The following PTPN6 variants were observed in gnomAD, a reference collection of about 807,000 sequenced individuals.
PTPN6 encodes protein tyrosine phosphatase non-receptor type 6, also known as tyrosine-protein phosphatase non-receptor type 6.
A neutral mutation model predicts 81.5 loss-of-function variants in PTPN6; 18 were observed. The ratio of observed to expected loss-of-function variants is 0.22; its 90% CI spans 0.15 to 0.33. The LOEUF is 0.33. Among genes scored for constraint, PTPN6 ranks in the 10% least tolerant of loss-of-function variants. The pLI is 1.00. For synonymous variants in PTPN6, 301 were observed against 310.9 expected, an observed-to-expected ratio of 0.97 and a Z score of 0.33; for missense variants, 500 against 794.2, an observed-to-expected ratio of 0.63 and a Z score of 4.45.
Position 6,958,058 on chromosome 12 carries a change from T to C in PTPN6, c.1346T>C (p.Ile449Thr), listed in dbSNP as rs782028376. The change falls in exon 11 of 16, where the codon ATC becomes ACC. Residue 449 changes from isoleucine to threonine, a missense_variant. This residue lies in a region of PTPN6 where 226 missense variants were observed against 364.4 expected (regional missense o/e 0.62). Coordinates refer to ENST00000318974, the MANE Select transcript of PTPN6 (RefSeq NM_002831.6). ...GAAAGTCTGCCTCACGCAGGGCCCA[T>C]CATCGTGCACTGCAGGTGAGGATGA... is the stretch of plus-strand genomic sequence containing the variant. Reference protein sequence around the residue: ...RQESLPHAGPIIVHCSAGIGR... With the variant: ...RQESLPHAGPTIVHCSAGIGR... 8.1e-6 allele frequency: 13 copies of C among 1,611,878 alleles called. No homozygotes were observed. In the South Asian group the frequency reaches 1.4e-4, roughly 18 times the overall value.
chr12:6,948,607 A>G (rs1279667586), upstream of PTPN6, among the ~76,000 whole-genome samples: 1 of 152,010 alleles, frequency 6.6e-6, no homozygotes, highest in East Asian at 1.9e-4. Flanking sequence ...AAGAAAGGAA[A>G]GAAAAAGAAA....
Position 6,959,777 on chromosome 12 carries a change from T to A in PTPN6, c.1362-150T>A, listed in dbSNP as rs890613446. ...TGCAGAGCTGGGCAAACCTCCATCA[T>A]CACTTGCCCGGTGACCCTGGGCACA... On this transcript the variant is annotated intron_variant, in intron 11 of 15. Transcript: ENST00000318974. This position sits in a 1 kb window ranked among gnomAD's most constrained non-coding sequence, Gnocchi z 6.6. 30 of 827,342 alleles carry A rather than the reference T, an allele frequency of 3.6e-5. 1 individual carries two copies. Among genetic ancestry groups the A allele is most frequent in the Non-Finnish European group, 1.6e-5 (8 of 496,194 alleles). 51.3% of individuals were successfully genotyped at this position (827,342 alleles called of 1,614,324 possible).
In PTPN6 at chr12:6,960,695, C is replaced by T. The variant is rs376526283; in HGVS notation, c.1674-111C>T. Reference sequence around the variant, plus strand: ...GAGTCTAGTGCAGGGACCGTGGCTGCGTCACCTGTGAGACGGGGTGGCCAG... The same window carrying T: ...GAGTCTAGTGCAGGGACCGTGGCTGTGTCACCTGTGAGACGGGGTGGCCAG... On this transcript the variant is annotated intron_variant, in intron 14 of 15. Transcript: ENST00000318974. This position sits in a 1 kb window ranked among gnomAD's most constrained non-coding sequence, Gnocchi z 6.1. 6.5e-5 allele frequency: 101 copies of T among 1,551,404 alleles called. No homozygotes were observed. The highest frequency in any genetic ancestry group is 8.0e-5 in the Non-Finnish European group (92 of 1,146,972).
At position 6,959,527 on chromosome 12, in the gene PTPN6, C is replaced by G. The variant is rs1264734847; in HGVS notation, c.1362-400C>G. The G allele has an allele frequency of 2.8e-6, 1 of 355,610 alleles. No homozygotes were observed. The highest frequency in any genetic ancestry group is 5.3e-6 in the Non-Finnish European group (1 of 188,102). 22.0% of individuals were successfully genotyped at this position (355,610 alleles called of 1,614,324 possible). A position where few individuals can be genotyped will look rare whatever the true frequency, so the allele number is the denominator to read the frequency against. Reference sequence around the variant, plus strand: ...GGTTTGAAGGAAAAGGGAAGTGAAGCCATGCTGAGAGACGCTCCATAACTC... The same window carrying G: ...GGTTTGAAGGAAAAGGGAAGTGAAGGCATGCTGAGAGACGCTCCATAACTC... On this transcript the variant is annotated intron_variant, in intron 11 of 15. Transcript: ENST00000318974. The surrounding 1 kb of genome is among the most constrained non-coding windows in gnomAD (Gnocchi z 6.6).
At chr12:6,951,141 G>A, upstream of PTPN6, 2 of 1,021,738 alleles carry the variant, frequency 2.0e-6, no homozygotes, top group East Asian at 4.1e-5. The surrounding 1 kb of genome is among the most constrained non-coding windows in gnomAD (Gnocchi z 7.2). Context: ...AGGCACACAT[G>A]TGTCCTTACT....
Position 6,960,029 on chromosome 12 carries a change from G to A in PTPN6, c.1429+35G>A. ...ACCTGGGGGTTTGGGGGTGGGGGGT[G>A]AGCAGCCCCTCGGTGTCCGCCTATG... On this transcript the variant is annotated intron_variant, in intron 12 of 15. Transcript: ENST00000318974. The surrounding 1 kb of genome is among the most constrained non-coding windows in gnomAD (Gnocchi z 6.1). The A allele has an allele frequency of 6.2e-7, 1 of 1,612,042 alleles. No individual in the cohort carries two copies. The highest frequency in any genetic ancestry group is 8.5e-7 in the Non-Finnish European group (1 of 1,179,750).
Position 6,952,281 on chromosome 12 carries a change from C to A in PTPN6, c.326+104C>A. The A allele has an allele frequency of 7.3e-7, 1 of 1,369,116 alleles. No homozygotes were observed. Among genetic ancestry groups the A allele is most frequent in the Non-Finnish European group, 1.0e-6 (1 of 969,220 alleles). 84.8% of individuals were successfully genotyped at this position (1,369,116 alleles called of 1,614,324 possible). A position where few individuals can be genotyped will look rare whatever the true frequency, so the allele number is the denominator to read the frequency against. ...CTGGCAGCCGGCGCTGCCTACCCTC[C>A]ATCCCCTCCCCTCCCTGCACCAGCT... On this transcript the variant is annotated intron_variant, in intron 3 of 15. Coordinates refer to ENST00000318974, the MANE Select transcript of PTPN6 (RefSeq NM_002831.6). This position sits in a 1 kb window ranked among gnomAD's most constrained non-coding sequence, Gnocchi z 8.1.
chr12:6,951,699 C>A lies in PTPN6; in HGVS notation c.99C>A (p.Arg33=). ...VHGSFLARPS[R]KNQGDFSLSV... is the part of the protein sequence containing the mutation. Reference sequence around the variant, plus strand: ...GTAGCTTCCTGGCTCGGCCCAGTCGCAAGAACCAGGGTGACTTCTCGCTCT... The same window carrying A: ...GTAGCTTCCTGGCTCGGCCCAGTCGAAAGAACCAGGGTGACTTCTCGCTCT... The change falls in exon 2 of 16, where the codon CGC becomes CGA. Residue 33 remains arginine, a synonymous_variant. Coordinates refer to ENST00000318974, the MANE Select transcript of PTPN6 (RefSeq NM_002831.6). This position sits in a 1 kb window ranked among gnomAD's most constrained non-coding sequence, Gnocchi z 7.2. 7 of 1,613,580 alleles carry A rather than the reference C, an allele frequency of 4.3e-6. No individual in the cohort carries two copies. The highest frequency in any genetic ancestry group is 5.9e-6 in the Non-Finnish European group (7 of 1,180,006).
upstream of PTPN6, among the ~76,000 whole-genome samples, chr12:6,947,668 C>CAAAA (rs112544780): frequency 1.5e-5 from 1 of 64,782 alleles, no homozygotes; most frequent in South Asian, 4.7e-4. Context: ...GACCTTGTCT[C>CAAAA]AAAAAAAAAA....
Position 6,954,731 on chromosome 12 carries a change from T to C in PTPN6, c.327-74T>C, listed in dbSNP as rs1945991488. ...CAGTAGGTGCTTGATTTCCGGCCCC[T>C]CTCTGTGAATGTCTCTGCTCAGCGC... On this transcript the variant is annotated intron_variant, in intron 3 of 15. Transcript: ENST00000318974. The surrounding 1 kb of genome is among the most constrained non-coding windows in gnomAD (Gnocchi z 5.4). 6.8e-7 allele frequency: 1 copy of C among 1,476,860 alleles called. No homozygotes were observed. The highest frequency in any genetic ancestry group is 9.3e-7 in the Non-Finnish European group (1 of 1,079,244). The allele number at this position is 1,476,860 out of a possible 1,614,324, so 91.5% of individuals were successfully genotyped here.
At chr12:6,948,504 A>T (rs1945865339), upstream of PTPN6, among the ~76,000 whole-genome samples, 1 of 151,720 alleles carries the variant, frequency 6.6e-6, no homozygotes, top group Admixed American at 6.6e-5. Context: ...AAAGAAGGAA[A>T]AAAAGGAAAG....
chr12:6,958,248 A>C (rs782535030), intron 11 of PTPN6, among the ~76,000 whole-genome samples, 175 bp downstream of exon 11: 20 of 152,244 alleles, frequency 1.3e-4, no homozygotes, highest in Non-Finnish European at 2.6e-4. Flanking sequence ...TCGTGGCTGG[A>C]ACCAGCCCCA....
Position 6,959,963 on chromosome 12 carries a change from C to T in PTPN6, c.1398C>T (p.Ile466=), listed in dbSNP as rs113854853. 788 of 1,609,370 alleles carry T rather than the reference C, an allele frequency of 4.9e-4. 5 individuals are homozygous for T. The African/African-American group carries it at 8.3e-3, about 17-fold the overall frequency. ...GIGRTGTIIV[I]DMLMENISTK... Reference sequence around the variant, plus strand: ...GCCGCACAGGCACCATCATTGTCATCGACATGCTCATGGAGAACATCTCCA... The same window carrying T: ...GCCGCACAGGCACCATCATTGTCATTGACATGCTCATGGAGAACATCTCCA... The change falls in exon 12 of 16, where the codon ATC becomes ATT. Residue 466 remains isoleucine (I), a synonymous_variant. Coordinates refer to ENST00000318974, the MANE Select transcript of PTPN6 (RefSeq NM_002831.6). This position sits in a 1 kb window ranked among gnomAD's most constrained non-coding sequence, Gnocchi z 6.6.
chr12:6,950,543 A>G (rs886183767), upstream of PTPN6, among the ~76,000 whole-genome samples: 3 of 152,174 alleles, frequency 2.0e-5, no homozygotes, highest in Non-Finnish European at 4.4e-5. Flanking sequence ...GACAAGAATT[A>G]GAAAGGACCC....
chr12:6,958,838 A>G (rs1381266054), intron 11 of PTPN6, among the ~76,000 whole-genome samples: 17 of 152,158 alleles, frequency 1.1e-4, no homozygotes, highest in Non-Finnish European at 1.6e-4. Context: ...TAACTTTTCT[A>G]ACCCTCAGCT....
chr12:6,958,388 G>C (rs980074269), intron 11 of PTPN6, among the ~76,000 whole-genome samples: 4 of 152,242 alleles, frequency 2.6e-5, no homozygotes, highest in Non-Finnish European at 4.4e-5. Flanking sequence ...GTCAGGGCAA[G>C]GCCGGGCAGG....
At position 6,954,457 on chromosome 12, in the gene PTPN6, G is replaced by C. The variant is rs782523389; in HGVS notation, c.327-348G>C. On this transcript the variant is annotated intron_variant, in intron 3 of 15. Coordinates refer to ENST00000318974, the MANE Select transcript of PTPN6 (RefSeq NM_002831.6). The surrounding 1 kb of genome is among the most constrained non-coding windows in gnomAD (Gnocchi z 5.4). ...AGCCCGGTTAGAACTCTGGAGGCTAGGATGGCTTGAACCTGGGAGGTCGAG... is the reference window on the plus strand; with the variant it reads ...AGCCCGGTTAGAACTCTGGAGGCTACGATGGCTTGAACCTGGGAGGTCGAG... 2.6e-5 allele frequency among the ~76,000 whole-genome samples: 4 copies of C among 152,334 alleles called. No homozygotes were observed. Among genetic ancestry groups the C allele is most frequent in the Admixed American group, 2.0e-4 (3 of 15,308 alleles).
rs1946010591 is a variant in PTPN6, at chr12:6,955,443, G to T, written c.705G>T (p.Glu235Asp). The T allele has an allele frequency of 6.2e-7, 1 of 1,614,082 alleles. No homozygotes were observed. Among genetic ancestry groups the T allele is most frequent in the African/African-American group, 1.3e-5 (1 of 74,928 alleles). Reference sequence around the variant, plus strand: ...TGTTGGAACTGAACAAGAAGCAGGAGTCCGAGGATACAGCCAAGGCTGGCT... The same window carrying T: ...TGTTGGAACTGAACAAGAAGCAGGATTCCGAGGATACAGCCAAGGCTGGCT... ...NRVLELNKKQ[E>D]SEDTAKAGFW... The change falls in exon 6 of 16, where the codon GAG becomes GAT. Residue 235 changes from glutamate (E) to aspartate (D), a missense_variant. Glu to Asp is a conservative substitution (Grantham distance 45). This residue lies in a region of PTPN6 where 96 missense variants were observed against 137.3 expected (regional missense o/e 0.70). Transcript: ENST00000318974. The surrounding 1 kb of genome is among the most constrained non-coding windows in gnomAD (Gnocchi z 7.2).
chr12:6,947,020 C>T (rs148040948), upstream of PTPN6, among the ~76,000 whole-genome samples: 415 of 152,304 alleles, frequency 2.7e-3, no homozygotes, highest in African/African-American at 9.1e-3. Flanking sequence ...CTTCTGCCTC[C>T]TGCTTAGGAC....
Sources: allele counts gnomAD v4.1 joint callset (sites outside exome capture counted in the v4.1 genomes callset), GRCh38; gene constraint gnomAD v4.1.1; regional missense constraint gnomAD v4.1.1; non-coding constraint Gnocchi (gnomAD v3.1); transcripts MANE v1.5; gene names NCBI Gene and HGNC (gene_info 2026-07-23, HGNC 2026-07-21).